The following TRPM6 variants were observed in gnomAD, a reference collection of about 807,000 sequenced individuals.
TRPM6 encodes channel kinase 2.
TRPM6 carries 111 observed loss-of-function variants against 247.6 expected under a neutral mutation model. The observed-to-expected ratio is 0.45, with a 90% CI of 0.38 to 0.52. TRPM6 has a LOEUF of 0.52. TRPM6 is among the 20% of genes least tolerant of loss of function. TRPM6 has a pLI of 0.00. For synonymous variants in TRPM6, 892 were observed against 853.8 expected, an observed-to-expected ratio of 1.04 and a Z score of -0.78; for missense variants, 2,126 against 2,421.5, an observed-to-expected ratio of 0.88 and a Z score of 2.56.
chr9:74,772,545 A>G (rs776176946), intron 24 of TRPM6, among the ~76,000 whole-genome samples: 1 of 152,210 alleles, frequency 6.6e-6, no homozygotes, highest in Non-Finnish European at 1.5e-5. Context: ...AATTTGATAC[A>G]TTCATATAAT....
chr9:74,832,643 C>A (rs569970559), intron 6 of TRPM6, among the ~76,000 whole-genome samples: 1 of 152,042 alleles, frequency 6.6e-6, no homozygotes, highest in Non-Finnish European at 1.5e-5. Context: ...AGGGAAGAGG[C>A]GAAACAAAAT....
Position 74,724,362 on chromosome 9 carries a change from C to A in TRPM6, c.*251G>T, listed in dbSNP as rs1173735097. On this transcript the variant is annotated 3_prime_UTR_variant, in exon 39 of 39. Coordinates refer to ENST00000360774, the MANE Select transcript of TRPM6 (RefSeq NM_017662.5). ...ATGAGGTACACAAGAACAATATTCC[C>A]AGCTGACTCATCCAAGCATCTTCGT... 5 of 545,700 alleles carry A rather than the reference C, an allele frequency of 9.2e-6. No individual in the cohort carries two copies. The highest frequency in any genetic ancestry group is 5.7e-5 in the African/African-American group (3 of 52,680). The allele number at this position is 545,700 out of a possible 1,614,324, so 33.8% of individuals were successfully genotyped here.
At chr9:74,854,086 T>C (rs1483293930) in intron 3 of TRPM6, among the ~76,000 whole-genome samples, 1 of 152,182 alleles carries the variant, frequency 6.6e-6, no homozygotes, top group East Asian at 1.9e-4. Flanking sequence ...AAATGTGGTA[T>C]ATAACACAGA....
At chr9:74,741,215 A>T (rs996712675) in intron 33 of TRPM6, among the ~76,000 whole-genome samples, 2 of 152,180 alleles carry the variant, frequency 1.3e-5, no homozygotes, top group Admixed American at 6.5e-5. Context: ...GAACCTAAAC[A>T]CTACCAAGTC....
intron 14 of TRPM6, among the ~76,000 whole-genome samples, chr9:74,807,463 C>A (rs1038968565): frequency 4.5e-4 from 68 of 152,180 alleles, no homozygotes; most frequent in African/African-American, 1.6e-3. Context: ...AAGAAATAGG[C>A]AATGTTTCCT....
At chr9:74,734,396 T>A (rs1438114306) in intron 36 of TRPM6, among the ~76,000 whole-genome samples, 2 of 152,246 alleles carry the variant, frequency 1.3e-5, no homozygotes, top group Admixed American at 1.3e-4. Context: ...TTTTACAATA[T>A]GCTAAACCTT....
intron 21 of TRPM6, among the ~76,000 whole-genome samples, chr9:74,785,404 C>T (rs757712086): frequency 4.3e-4 from 65 of 152,284 alleles, no homozygotes; most frequent in Admixed American, 1.5e-3. Flanking sequence ...GATTAATGCT[C>T]GAGGTGATGA....
In TRPM6 at chr9:74,751,367, C is replaced by T. The variant is rs115710541; in HGVS notation, c.4999-645G>A. On this transcript the variant is annotated intron_variant, in intron 29 of 38. Coordinates refer to ENST00000360774, the MANE Select transcript of TRPM6 (RefSeq NM_017662.5). The stretch of plus-strand genomic sequence containing the variant: ...ACAGGTAATGAAGCTCATAGGTTAA[C>T]TGATGTACATAGCTTTGAAACGTAG... Among the ~76,000 whole-genome samples, 888 of 152,256 alleles carry T rather than the reference C, an allele frequency of 5.8e-3. 10 individuals are homozygous for T. Among genetic ancestry groups the T allele is most frequent in the African/African-American group, 0.02 (815 of 41,548 alleles).
intron 31 of TRPM6, 178 bp from the exon 32 acceptor site, chr9:74,744,323 T>C (rs1825963570): frequency 1.5e-6 from 1 of 677,546 alleles, no homozygotes. Context: ...CCTGACAGCT[T>C]CCAATCATCA....
chr9:74,792,967 G>T (rs1478204765), intron 18 of TRPM6, among the ~76,000 whole-genome samples, 197 bp from the exon 19 acceptor site: 16 of 152,052 alleles, frequency 1.1e-4, no homozygotes, highest in African/African-American at 3.9e-4. Context: ...GACCAGCCTG[G>T]CCAGCATGGA....
At chr9:74,797,778 G>A (rs953208652) in intron 17 of TRPM6, among the ~76,000 whole-genome samples, 2 of 152,028 alleles carry the variant, frequency 1.3e-5, no homozygotes. Context: ...GGCAGGACAG[G>A]GCAGTGACAG....
rs547715530 is a variant in TRPM6 at position 74,869,950 on chromosome 9, T to A, written c.34-11202A>T. 4.6e-5 allele frequency among the ~76,000 whole-genome samples: 7 copies of A among 152,306 alleles called. No homozygotes were observed. In the East Asian group the frequency reaches 1.3e-3, roughly 29 times the overall value. ...TTGCCCAAGACCTTATTATCCATGT[T>A]CTATAGAAACTGATAGCCTGTTTAG... On this transcript the variant is annotated intron_variant, in intron 1 of 38. Coordinates refer to ENST00000360774, the MANE Select transcript of TRPM6 (RefSeq NM_017662.5).
intron 38 of TRPM6, among the ~76,000 whole-genome samples, chr9:74,725,185 T>C (rs1396705067): frequency 6.6e-6 from 1 of 152,062 alleles, no homozygotes; most frequent in African/African-American, 2.4e-5. Context: ...CAATAAAAGC[T>C]CCATCCAGTT....
Position 74,762,584 on chromosome 9 carries a change from G to A in TRPM6, c.4087C>T (p.Pro1363Ser), listed in dbSNP as rs1053095160. The A allele has an allele frequency of 6.2e-6, 10 of 1,614,062 alleles. No individual in the cohort carries two copies. Among genetic ancestry groups the A allele is most frequent in the Non-Finnish European group, 8.5e-6 (10 of 1,180,042 alleles). Residue 1363 changes from proline to serine, a missense_variant, in exon 26 of 39, where the codon CCT becomes TCT. Coordinates refer to ENST00000360774, the MANE Select transcript of TRPM6 (RefSeq NM_017662.5). Reference sequence around the variant, plus strand: ...TCTGGCACAGAGGGTCTGGACAGAGGCAAGACAGTTTCTGCTGAAAAAGGA... The same window carrying A: ...TCTGGCACAGAGGGTCTGGACAGAGACAAGACAGTTTCTGCTGAAAAAGGA... ...RVPFSAETVL[P>S]LSRPSVPDVL...
At position 74,820,444 on chromosome 9, in the gene TRPM6, T is replaced by C. The variant is rs747979532; in HGVS notation, c.1011-17A>G. 6.8e-6 allele frequency: 11 copies of C among 1,613,830 alleles called. No individual in the cohort carries two copies. In the Admixed American group the frequency reaches 1.7e-4, roughly 24 times the overall value. ...CGCAGCATCCTGGAAGAGAAATAAA[T>C]GGTCTTGACACAACCCAGAGAGGGG... On this transcript the variant is annotated splice_polypyrimidine_tract_variant and intron_variant, in intron 8 of 38. Transcript: ENST00000360774.
At chr9:74,884,011 T>C (rs35227421) in intron 1 of TRPM6, among the ~76,000 whole-genome samples, 26,933 of 152,022 alleles carry the variant, frequency 0.18, 3,020 homozygotes, top group Middle Eastern at 0.33. Context: ...TAGCTGGGCA[T>C]GGTGGCACAT....
At chr9:74,839,794 A>G (rs1190293514) in intron 5 of TRPM6, among the ~76,000 whole-genome samples, 1 of 150,864 alleles carries the variant, frequency 6.6e-6, no homozygotes, top group Non-Finnish European at 1.5e-5. Context: ...TACAGAGCAG[A>G]GATTATGTGG....
chr9:74,886,621 G>A (rs923338517), intron 1 of TRPM6, among the ~76,000 whole-genome samples: 2 of 151,928 alleles, frequency 1.3e-5, no homozygotes, highest in African/African-American at 4.8e-5. Context: ...CTGTAAACCG[G>A]TGGAGATGGG....
intron 37 of TRPM6, 87 bp downstream of exon 37, chr9:74,732,598 G>C: frequency 9.8e-7 from 1 of 1,019,476 alleles, no homozygotes; most frequent in East Asian, 2.6e-5. Flanking sequence ...TCTAGGCAGG[G>C]AACATATATG....
Sources: gnomAD v4.1 joint callset for allele counts (sites outside exome capture counted in the v4.1 genomes callset) on GRCh38, gnomAD v4.1.1 for gene constraint, MANE v1.5 for transcripts, NCBI Gene and HGNC (gene_info 2026-07-23, HGNC 2026-07-21) for gene names.